FAM13A: variants seen among roughly 807,000 people sequenced by gnomAD.
FAM13A encodes family with sequence similarity 13 member A.
FAM13A carries 76 observed loss-of-function variants against 129.6 expected under a neutral mutation model. The observed-to-expected ratio is 0.59, with a 90% confidence interval of 0.49 to 0.71. The LOEUF is 0.71. Among genes scored for constraint, FAM13A ranks in the 30% least tolerant of loss-of-function variants. FAM13A has a pLI of 0.00. For missense variants in FAM13A, 1,108 were observed against 1,249.3 expected, an observed-to-expected ratio of 0.89 and a Z score of 1.70; for synonymous variants, 443 against 449.9, an observed-to-expected ratio of 0.98 and a Z score of 0.20.
rs148346085 is a variant in FAM13A, at chr4:88,952,905, G to C, written c.606-14664C>G. Among the ~76,000 whole-genome samples, 57 of 152,024 alleles carry C rather than the reference G, an allele frequency of 3.7e-4. 2 individuals carry two copies. In the East Asian group the frequency reaches 0.011, roughly 29 times the overall value. On this transcript the variant is annotated intron_variant, in intron 4 of 23. Coordinates refer to ENST00000264344, the MANE Select transcript of FAM13A (RefSeq NM_014883.4). ...AGAGGTTGCAGTGAGTCGAGATCGT[G>C]CCACTGCACTCCAGCATGGGCAACA...
At chr4:88,864,063 ATCAT>A (rs1295185528) in intron 6 of FAM13A, among the ~76,000 whole-genome samples, 2 of 152,248 alleles carry the variant, frequency 1.3e-5, no homozygotes, top group African/African-American at 2.4e-5. Context: ...GAAAGAATAA[ATCAT>A]TCATTCATTC....
At chr4:88,966,916 A>G (rs2609268) in intron 4 of FAM13A, among the ~76,000 whole-genome samples, 4,220 of 152,246 alleles carry the variant, frequency 0.028, 84 homozygotes, top group Non-Finnish European at 0.045. Flanking sequence ...TGGTCTCAAT[A>G]TTCTCTAACC....
At chr4:88,920,863 G>T (rs1228220109) in intron 5 of FAM13A, among the ~76,000 whole-genome samples, 2 of 152,214 alleles carry the variant, frequency 1.3e-5, no homozygotes, top group African/African-American at 4.8e-5. Context: ...TAAAGGAGCT[G>T]ATGGAGCTGA....
intron 7 of FAM13A, among the ~76,000 whole-genome samples, chr4:88,833,187 C>T (rs1052177513): frequency 7.2e-5 from 11 of 152,138 alleles, no homozygotes; most frequent in Admixed American, 6.5e-5. Flanking sequence ...GAAGAGAACA[C>T]ATGGACACTG....
At chr4:88,771,964 G>C (rs1239097286) in intron 11 of FAM13A, among the ~76,000 whole-genome samples, 1 of 152,164 alleles carries the variant, frequency 6.6e-6, no homozygotes, top group Non-Finnish European at 1.5e-5. Flanking sequence ...ATTTGTTTTT[G>C]ATTATTTTTC....
chr4:89,003,326 G>A (rs1292259244), intron 3 of FAM13A, among the ~76,000 whole-genome samples: 2 of 151,590 alleles, frequency 1.3e-5, no homozygotes, highest in Admixed American at 6.6e-5. Context: ...AATTATGTAA[G>A]TGGGCTGGGC....
intron 10 of FAM13A, among the ~76,000 whole-genome samples, chr4:88,781,946 A>T (rs113944080): frequency 0.016 from 2,375 of 151,734 alleles, 50 homozygotes; most frequent in African/African-American, 0.051. Flanking sequence ...CATATGTAAC[A>T]AACCTGCACA....
intron 7 of FAM13A, among the ~76,000 whole-genome samples, chr4:88,811,596 T>G (rs1729679967): frequency 7.6e-6 from 1 of 131,362 alleles, no homozygotes; most frequent in Non-Finnish European, 1.6e-5. Context: ...ACAGAGTTCT[T>G]AAGTGGGGGG....
chr4:88,738,042 G>T (rs1033905467), intron 20 of FAM13A, among the ~76,000 whole-genome samples: 2 of 152,174 alleles, frequency 1.3e-5, no homozygotes, highest in African/African-American at 4.8e-5. Context: ...TTATTTGTTA[G>T]TTTAGGACAT....
chr4:88,731,246 C>T, intron 23 of FAM13A, 81 bp downstream of exon 23: 1 of 739,946 alleles, frequency 1.4e-6, no homozygotes, highest in Non-Finnish European at 2.2e-6. Context: ...AGGCATTCCA[C>T]AGATCTGACA....
intron 3 of FAM13A, among the ~76,000 whole-genome samples, chr4:88,998,478 T>C (rs891502908): frequency 6.6e-6 from 1 of 152,202 alleles, no homozygotes; most frequent in Non-Finnish European, 1.5e-5. Context: ...CCATGTCTCA[T>C]GTATGTAAAT....
At chr4:88,859,907 TC>T (rs1363873482) in intron 6 of FAM13A, among the ~76,000 whole-genome samples, 1 of 152,176 alleles carries the variant, frequency 6.6e-6, no homozygotes. Context: ...TTTTTGTATC[TC>T]CTGCCTGTAA....
At chr4:88,873,010 G>C (rs947994305) in intron 6 of FAM13A, among the ~76,000 whole-genome samples, 1 of 152,168 alleles carries the variant, frequency 6.6e-6, no homozygotes, top group Admixed American at 6.5e-5. Flanking sequence ...CTCCTATATG[G>C]AAACTGAATA....
At chr4:88,992,515 G>A (rs1258674567) in intron 3 of FAM13A, among the ~76,000 whole-genome samples, 2 of 151,954 alleles carry the variant, frequency 1.3e-5, no homozygotes, top group African/African-American at 2.4e-5. Flanking sequence ...AATTACAGGC[G>A]TGACCCACCA....
intron 1 of FAM13A, among the ~76,000 whole-genome samples, chr4:89,039,494 T>C (rs903610591): frequency 6.6e-6 from 1 of 152,116 alleles, no homozygotes; most frequent in Non-Finnish European, 1.5e-5. Context: ...AAGATGATAA[T>C]AGTAGAAGAA....
At position 88,853,682 on chromosome 4, in the gene FAM13A, G is replaced by A. The variant is rs1738004319; in HGVS notation, c.844-2499C>T. 6.6e-5 allele frequency among the ~76,000 whole-genome samples: 10 copies of A among 152,184 alleles called. No homozygotes were observed. In the South Asian group the frequency reaches 1.9e-3, roughly 28 times the overall value. On this transcript the variant is annotated intron_variant, in intron 6 of 23. Coordinates refer to ENST00000264344, the MANE Select transcript of FAM13A (RefSeq NM_014883.4). ...GTTAATACTGAGTGTCAACTTGATT[G>A]AAGGATGCAAAGTACTGTTCCTGGG... is the stretch of plus-strand genomic sequence containing the variant.
intron 5 of FAM13A, among the ~76,000 whole-genome samples, chr4:88,916,630 T>A (rs1190387321): frequency 6.6e-6 from 1 of 152,234 alleles, no homozygotes; most frequent in African/African-American, 2.4e-5. Context: ...TGCAAGTGTC[T>A]GACTCAGGGC....
At chr4:89,027,325 T>C (rs1579836465) in intron 2 of FAM13A, among the ~76,000 whole-genome samples, 1 of 152,092 alleles carries the variant, frequency 6.6e-6, no homozygotes, top group Non-Finnish European at 1.5e-5. Context: ...CTGGACAACA[T>C]GGCGAGACCT....
intron 6 of FAM13A, among the ~76,000 whole-genome samples, chr4:88,894,757 C>T (rs944740389): frequency 3.9e-5 from 6 of 152,084 alleles, no homozygotes; most frequent in Non-Finnish European, 7.4e-5. Context: ...CCTGGCCTCA[C>T]GTGATCCACC....
Sources: gnomAD v4.1 joint callset for allele counts (sites outside exome capture counted in the v4.1 genomes callset) on GRCh38, gnomAD v4.1.1 for gene constraint, MANE v1.5 for transcripts, NCBI Gene and HGNC (gene_info 2026-07-23, HGNC 2026-07-21) for gene names.